SGK3: variants seen among roughly 807,000 people sequenced by gnomAD.
SGK3 encodes serine/threonine-protein kinase Sgk3.
SGK3 carries 47 observed loss-of-function variants against 68.5 expected under a neutral mutation model. The observed-to-expected ratio is 0.69, with a 90% CI of 0.54 to 0.87. SGK3 has a LOEUF of 0.87. Among genes scored for constraint, SGK3 ranks in the 40% least tolerant of loss-of-function variants. The pLI is 0.00. For synonymous variants in SGK3, 181 were observed against 189.1 expected (o/e 0.96, Z 0.35); for missense variants, 479 against 575.5 (o/e 0.83, Z 1.72).
intron 4 of SGK3, among the ~76,000 whole-genome samples, chr8:66,812,439 C>G (rs1190104665): frequency 6.6e-6 from 1 of 151,880 alleles, no homozygotes; most frequent in East Asian, 1.9e-4. Context: ...TGCCTGTAAT[C>G]CCAGCTACTC....
chr8:66,720,146 A>C (rs1313971303), intron 1 of SGK3, among the ~76,000 whole-genome samples: 1 of 152,210 alleles, frequency 6.6e-6, no homozygotes, highest in Non-Finnish European at 1.5e-5. Context: ...TGACAAATCC[A>C]TCCAAATTAA....
chr8:66,732,737 C>G (rs555346015), intron 1 of SGK3, among the ~76,000 whole-genome samples: 2 of 151,824 alleles, frequency 1.3e-5, no homozygotes, highest in East Asian at 3.9e-4. Context: ...CCCAGCTACT[C>G]AGGAGGCTGA....
At position 66,840,274 on chromosome 8, in the gene SGK3, T is replaced by TA. The variant is rs1809746928; in HGVS notation, c.891+28dup. ...TAAGTATTCTCTTTTAAAAATCTAC[T>TA]AGTTCTCAATTTTTGTTGTTGCTTT... is the stretch of plus-strand genomic sequence containing the variant. On this transcript the variant is annotated intron_variant, in intron 12 of 16. Transcript: ENST00000521198. 2.6e-6 allele frequency: 4 copies of TA among 1,544,026 alleles called. No homozygotes were observed. The Admixed American group carries it at 8.4e-5, about 33-fold the overall frequency.
chr8:66,801,845 C>T (rs116575339), intron 3 of SGK3, among the ~76,000 whole-genome samples: 4,469 of 152,146 alleles, frequency 0.029, 74 homozygotes, highest in Admixed American at 0.044. Flanking sequence ...AGATCCACAC[C>T]GGTAGTGTGT....
At chr8:66,754,357 G>GGTA (rs1805911407) in intron 1 of SGK3, among the ~76,000 whole-genome samples, 1 of 152,144 alleles carries the variant, frequency 6.6e-6, no homozygotes, top group Non-Finnish European at 1.5e-5. Context: ...GCTAATTAAT[G>GGTA]ATTGAGACAG....
intron 1 of SGK3, among the ~76,000 whole-genome samples, chr8:66,787,914 C>G (rs1027946508): frequency 1.3e-5 from 2 of 152,220 alleles, no homozygotes; most frequent in Non-Finnish European, 2.9e-5. Flanking sequence ...CTTTGGCACT[C>G]CTCCTTACAG....
rs373472775 is a variant in SGK3 at position 66,860,650 on chromosome 8, A to G, written c.*1069A>G. ...TACCAAAAATGAATGTCTGTCATATATTTATATTACAAATACATTATATTT... is the reference window on the plus strand; with the variant it reads ...TACCAAAAATGAATGTCTGTCATATGTTTATATTACAAATACATTATATTT... On this transcript the variant is annotated 3_prime_UTR_variant, in exon 17 of 17. Coordinates refer to ENST00000521198, the MANE Select transcript of SGK3 (RefSeq NM_001033578.3). 1.3e-5 allele frequency: 2 copies of G among 152,156 alleles called. No homozygotes were observed. The highest frequency in any genetic ancestry group is 2.1e-4 in the South Asian group (1 of 4,822). The allele number at this position is 152,156 out of a possible 1,614,324, so 9.4% of individuals were successfully genotyped here. A position where few individuals can be genotyped will look rare whatever the true frequency, so the allele number is the denominator to read the frequency against.
chr8:66,816,335 TC>T (rs1808578699), intron 5 of SGK3, among the ~76,000 whole-genome samples: 1 of 146,230 alleles, frequency 6.8e-6, no homozygotes, highest in Non-Finnish European at 1.5e-5. Flanking sequence ...ATGTGACATT[TC>T]CTTTTTTTTT....
chr8:66,727,788 T>A (rs1171913768), intron 1 of SGK3, among the ~76,000 whole-genome samples: 1 of 152,196 alleles, frequency 6.6e-6, no homozygotes, highest in Non-Finnish European at 1.5e-5. Context: ...AAATTTCTGT[T>A]CTTTATAAAT....
At chr8:66,741,489 G>T (rs1350606238) in intron 1 of SGK3, among the ~76,000 whole-genome samples, 1 of 152,094 alleles carries the variant, frequency 6.6e-6, no homozygotes, top group African/African-American at 2.4e-5. Context: ...GGTGGAGGTT[G>T]CAGTGAGCTG....
At chr8:66,826,061 C>T (rs1005987719) in intron 6 of SGK3, among the ~76,000 whole-genome samples, 1 of 152,136 alleles carries the variant, frequency 6.6e-6, no homozygotes, top group African/African-American at 2.4e-5. Flanking sequence ...CAACCTCCCC[C>T]TCCTGGTTTC....
intron 10 of SGK3, among the ~76,000 whole-genome samples, chr8:66,839,352 T>C (rs962103746): frequency 2.0e-5 from 3 of 150,656 alleles, no homozygotes; most frequent in African/African-American, 7.3e-5. Flanking sequence ...CTGTGAAGTG[T>C]AGGCCTAATG....
At chr8:66,783,510 G>A (rs1010329432) in intron 1 of SGK3, among the ~76,000 whole-genome samples, 2 of 151,618 alleles carry the variant, frequency 1.3e-5, no homozygotes, top group African/African-American at 4.9e-5. Context: ...TGTGTGTGTG[G>A]TTTATTTTTA....
At chr8:66,715,642 C>A (rs181243835) in intron 1 of SGK3, among the ~76,000 whole-genome samples, 2 of 152,272 alleles carry the variant, frequency 1.3e-5, no homozygotes, top group East Asian at 3.9e-4. Context: ...TGAAATAAAA[C>A]TATGTGTTTT....
At chr8:66,839,498 GATATATATAT>G (rs58832541) in intron 10 of SGK3, among the ~76,000 whole-genome samples, 160 of 41,490 alleles carry the variant, frequency 3.9e-3, no homozygotes, top group Admixed American at 5.9e-3. Flanking sequence ...TATGTATGGA[GATATATATAT>G]ATATATATAT....
At chr8:66,792,306 G>T (rs1807493800) in intron 1 of SGK3, among the ~76,000 whole-genome samples, 1 of 145,446 alleles carries the variant, frequency 6.9e-6, no homozygotes, top group African/African-American at 2.6e-5. Flanking sequence ...TCCAGCCTGG[G>T]TGACAAGAGC....
intron 1 of SGK3, among the ~76,000 whole-genome samples, chr8:66,733,604 C>A (rs1805231005): frequency 6.6e-6 from 1 of 152,090 alleles, no homozygotes; most frequent in Non-Finnish European, 1.5e-5. Context: ...ATCTGGAAGG[C>A]TTGGGTTCTA....
chr8:66,764,053 G>A (rs1458779383), intron 1 of SGK3, among the ~76,000 whole-genome samples: 1 of 151,980 alleles, frequency 6.6e-6, no homozygotes, highest in Non-Finnish European at 1.5e-5. Context: ...TATAGAGACA[G>A]GATTTTACTG....
At chr8:66,838,430 C>T (rs1012161901) in intron 10 of SGK3, among the ~76,000 whole-genome samples, 3 of 152,078 alleles carry the variant, frequency 2.0e-5, no homozygotes, top group African/African-American at 4.8e-5. Context: ...CTCAATGTTA[C>T]GGTGTTCTAG....
Sources: gnomAD v4.1 joint callset for allele counts (sites outside exome capture counted in the v4.1 genomes callset) on GRCh38, gnomAD v4.1.1 for gene constraint, MANE v1.5 for transcripts, NCBI Gene and HGNC (gene_info 2026-07-23, HGNC 2026-07-21) for gene names.